Variants in ZNF454 observed in about 807,000 individuals in gnomAD.
The protein encoded by ZNF454 is zinc finger protein 454.
ZNF454 carries 30 observed loss-of-function variants against 48.2 expected under a neutral mutation model. The ratio of observed to expected loss-of-function variants is 0.62; its 90% CI spans 0.47 to 0.84. ZNF454 has a LOEUF of 0.84. ZNF454 is among the 40% of genes least tolerant of loss of function. The pLI is 0.00. For missense variants in ZNF454, 510 were observed against 623.1 expected, an observed-to-expected ratio of 0.82 and a Z score of 1.93; for synonymous variants, 204 against 211.4, an observed-to-expected ratio of 0.97 and a Z score of 0.30.
Position 178,946,666 on chromosome 5 carries a change from C to T in ZNF454, c.160+181C>T, listed in dbSNP as rs1759350692. On this transcript the variant is annotated intron_variant, in intron 3 of 4. Coordinates refer to ENST00000519564, the MANE Select transcript of ZNF454 (RefSeq NM_001178089.3). The surrounding 1 kb of genome is among the most constrained non-coding windows in gnomAD (Gnocchi z 4.5). ...CTCTTTTGGAGTCCACTGCGGATGC[C>T]TCAAAAGTGACTAGGGTCAAATGCT... Among the ~76,000 whole-genome samples, 1 of 152,156 alleles carries T rather than the reference C, an allele frequency of 6.6e-6. No individual in the cohort carries two copies. The highest frequency in any genetic ancestry group is 6.5e-5 in the Admixed American group (1 of 15,280).
chr5:178,984,822 C>T, the ZNF454 span, among the ~76,000 whole-genome samples: 16,623 of 152,068 alleles, frequency 0.11, 1,078 homozygotes, highest in Middle Eastern at 0.18. Context: ...TGGACAGCAC[C>T]GGGAGTGCTC....
intron 4 of ZNF454, among the ~76,000 whole-genome samples, chr5:178,949,552 C>T (rs1759474840): frequency 6.6e-6 from 1 of 152,102 alleles, no homozygotes. Context: ...TGTTCATTCT[C>T]AACATATTTG....
At chr5:178,967,526 G>A (rs1405640768), downstream of ZNF454, among the ~76,000 whole-genome samples, 1 of 152,100 alleles carries the variant, frequency 6.6e-6, no homozygotes, top group African/African-American at 2.4e-5. Flanking sequence ...TTTGGAAGTG[G>A]TCATTTCCTC....
At position 178,946,261 on chromosome 5, in the gene ZNF454, G is replaced by T; in HGVS notation, c.34-98G>T. On this transcript the variant is annotated intron_variant, in intron 2 of 4. Transcript: ENST00000519564. The surrounding 1 kb of genome is among the most constrained non-coding windows in gnomAD (Gnocchi z 4.5). ...CAGCTCCCTGTGTGCCAGCAGTCCT[G>T]TAAATGCGCACAAGCTCCTAGGGGC... The T allele has an allele frequency of 6.5e-7, 1 of 1,540,286 alleles. No homozygotes were observed. The highest frequency in any genetic ancestry group is 8.8e-7 in the Non-Finnish European group (1 of 1,140,318).
chr5:178,984,787 G>A, the ZNF454 span, among the ~76,000 whole-genome samples: 7,018 of 152,192 alleles, frequency 0.046, 225 homozygotes, highest in Non-Finnish European at 0.072. Flanking sequence ...TGTGTGGAAC[G>A]AATAGAGAAG....
chr5:178,984,293 C>T, the ZNF454 span, among the ~76,000 whole-genome samples: 3 of 39,382 alleles, frequency 7.6e-5, no homozygotes, highest in Middle Eastern at 0.015. Context: ...CGAGCGAGCA[C>T]GCCTCACTCG....
chr5:178,961,444 A>G (rs1022768904), intron 4 of ZNF454, among the ~76,000 whole-genome samples: 3 of 151,670 alleles, frequency 2.0e-5, no homozygotes, highest in Non-Finnish European at 2.9e-5. Context: ...TTGTTAATAA[A>G]TAAAACCAGC....
chr5:178,981,872 G>C, the ZNF454 span: 12 of 1,470,394 alleles, frequency 8.2e-6, 1 homozygote, highest in South Asian at 1.4e-4. The surrounding 1 kb of genome is among the most constrained non-coding windows in gnomAD (Gnocchi z 5.1). Flanking sequence ...ATGGAAGAGG[G>C]GACCAGATGG....
the ZNF454 span, chr5:178,986,791 C>T: frequency 6.1e-5 from 98 of 1,611,676 alleles, no homozygotes; most frequent in Middle Eastern, 8.2e-4. Context: ...CGTCTGCCTC[C>T]GGGATCCTGG....
At chr5:178,968,211 A>G (rs775703682), downstream of ZNF454, among the ~76,000 whole-genome samples, 2 of 152,024 alleles carry the variant, frequency 1.3e-5, no homozygotes, top group African/African-American at 4.8e-5. Flanking sequence ...AAGCTGGAAT[A>G]TATCATGCAG....
chr5:178,945,789 C>T (rs551066318), intron 2 of ZNF454, among the ~76,000 whole-genome samples: 101 of 151,800 alleles, frequency 6.7e-4, no homozygotes, highest in Non-Finnish European at 1.3e-3. Context: ...AGATAGGTGT[C>T]GAGTACATGG....
downstream of ZNF454, among the ~76,000 whole-genome samples, chr5:178,970,265 C>T (rs769098336): frequency 5.9e-5 from 9 of 152,314 alleles, no homozygotes; most frequent in Non-Finnish European, 1.3e-4. Context: ...CTGGCTTAGT[C>T]GGCAGTACAA....
chr5:178,946,793 G>A lies in ZNF454; in HGVS notation c.161-104G>A, dbSNP rs970321936. The stretch of plus-strand genomic sequence containing the variant: ...ACCTGACCCTGGGCTTTCCTATCAA[G>A]TCCCATTTCCCAGCAAGCTCTGAGG... On this transcript the variant is annotated intron_variant, in intron 3 of 4. Coordinates refer to ENST00000519564, the MANE Select transcript of ZNF454 (RefSeq NM_001178089.3). This position sits in a 1 kb window ranked among gnomAD's most constrained non-coding sequence, Gnocchi z 4.5. The A allele has an allele frequency of 3.7e-6, 4 of 1,086,398 alleles. No individual in the cohort carries two copies. The highest frequency in any genetic ancestry group is 5.5e-6 in the Non-Finnish European group (4 of 728,524). The allele number at this position is 1,086,398 out of a possible 1,614,324, so 67.3% of individuals were successfully genotyped here. A position where few individuals can be genotyped will look rare whatever the true frequency, so the allele number is the denominator to read the frequency against.
At chr5:178,971,273 C>T (rs557948489), downstream of ZNF454, among the ~76,000 whole-genome samples, 57 of 152,078 alleles carry the variant, frequency 3.7e-4, no homozygotes, top group African/African-American at 1.3e-3. Flanking sequence ...CAGGAGTCGG[C>T]GGGGAGTAGG....
chr5:178,986,057 T>A, the ZNF454 span: 2 of 1,401,060 alleles, frequency 1.4e-6, no homozygotes, highest in Non-Finnish European at 2.0e-6. Flanking sequence ...CCACTGTGCC[T>A]GGCCCTTTTG....
At chr5:178,949,299 C>T (rs1350958681) in intron 4 of ZNF454, among the ~76,000 whole-genome samples, 2 of 151,588 alleles carry the variant, frequency 1.3e-5, no homozygotes, top group African/African-American at 4.8e-5. Context: ...TGATCCGCCC[C>T]CCTCAGCCTC....
At chr5:178,945,212 G>C (rs1481606068) in intron 2 of ZNF454, among the ~76,000 whole-genome samples, 1 of 151,684 alleles carries the variant, frequency 6.6e-6, no homozygotes, top group Non-Finnish European at 1.5e-5. Context: ...GTGTCTGTGT[G>C]TTTGTGTGTG....
chr5:178,946,938 A>T lies in ZNF454; in HGVS notation c.202A>T (p.Lys68Ter). The change falls in exon 4 of 5, where the codon AAA (lysine) becomes TAA (stop). Residue 68 changes from lysine to a stop codon, truncating the protein, a stop_gained. Transcript: ENST00000519564. LOFTEE classifies it high-confidence loss of function. The surrounding 1 kb of genome is among the most constrained non-coding windows in gnomAD (Gnocchi z 4.5). The part of the protein sequence containing the change: ...PKPDTFSQLE[K>*]REVWMPEDTP... ...ACCAGATACGTTTTCCCAGCTAGAA[A>T]AAAGGGAAGTGTGGATGCCAGAGGA... 6.2e-7 allele frequency: 1 copy of T among 1,614,110 alleles called. No individual in the cohort carries two copies. The highest frequency in any genetic ancestry group is 8.5e-7 in the Non-Finnish European group (1 of 1,180,000).
At position 178,946,755 on chromosome 5, in the gene ZNF454, C is replaced by A; in HGVS notation, c.161-142C>A. The A allele has an allele frequency of 1.2e-6, 1 of 801,340 alleles. No individual in the cohort carries two copies. The highest frequency in any genetic ancestry group is 2.0e-6 in the Non-Finnish European group (1 of 493,752). The allele number at this position is 801,340 out of a possible 1,614,324, so 49.6% of individuals were successfully genotyped here. On this transcript the variant is annotated intron_variant, in intron 3 of 4. Transcript: ENST00000519564. This position sits in a 1 kb window ranked among gnomAD's most constrained non-coding sequence, Gnocchi z 4.5. ...GTCAGGCCTGAGTAATCTTTTCCTCCCTCTGGGAACACACCTGACCCTGGG... is the reference window on the plus strand; with the variant it reads ...GTCAGGCCTGAGTAATCTTTTCCTCACTCTGGGAACACACCTGACCCTGGG...
Sources: gnomAD v4.1 joint callset for allele counts (sites outside exome capture counted in the v4.1 genomes callset) on GRCh38, gnomAD v4.1.1 for gene constraint, Gnocchi (gnomAD v3.1) non-coding constraint, MANE v1.5 for transcripts, NCBI Gene and HGNC (gene_info 2026-07-23, HGNC 2026-07-21) for gene names.